TTC39C: variants seen among roughly 807,000 people sequenced by gnomAD.
TTC39C encodes tetratricopeptide repeat protein 39C.
A neutral mutation model predicts 76.3 loss-of-function variants in TTC39C; 33 were observed. That is an observed-to-expected ratio of 0.43 (90% CI 0.33 to 0.58). The LOEUF is 0.58. Ranked by LOEUF, TTC39C falls within the 20% of genes least tolerant of loss-of-function variation. TTC39C has a pLI of 0.04. For missense variants in TTC39C, 595 were observed against 701.4 expected, an observed-to-expected ratio of 0.85 and a Z score of 1.71; for synonymous variants, 254 against 260.6, an observed-to-expected ratio of 0.97 and a Z score of 0.24.
At chr18:24,034,612 C>G (rs1356587551) in intron 1 of TTC39C, among the ~76,000 whole-genome samples, 1 of 148,542 alleles carries the variant, frequency 6.7e-6, no homozygotes. Context: ...CAAATGGAAA[C>G]TTTGTACCCA....
At chr18:24,030,648 C>CTTTT (rs1167104790) in intron 1 of TTC39C, among the ~76,000 whole-genome samples, 50,326 of 88,902 alleles carry the variant, frequency 0.57, 16,622 homozygotes, top group South Asian at 0.71. Context: ...AAAGATAGGC[C>CTTTT]TTTTTTTTTT....
chr18:24,012,887 G>A (rs4044150), upstream of TTC39C: 569 of 107,428 alleles, frequency 5.3e-3, 3 homozygotes, highest in African/African-American at 0.023. Context: ...ACACACACAC[G>A]CATAAATTTA....
chr18:24,112,251 T>C (rs1226752867), intron 6 of TTC39C, among the ~76,000 whole-genome samples: 1 of 152,244 alleles, frequency 6.6e-6, no homozygotes, highest in Non-Finnish European at 1.5e-5. Context: ...CATGTGATTG[T>C]ATTTAGGGCC....
chr18:24,072,165 T>C (rs1274781683), intron 4 of TTC39C, among the ~76,000 whole-genome samples: 2 of 151,592 alleles, frequency 1.3e-5, no homozygotes, highest in East Asian at 1.9e-4. Context: ...ACAAAGCTCC[T>C]TGTTGGAGAT....
intron 6 of TTC39C, among the ~76,000 whole-genome samples, chr18:24,104,411 C>T (rs941408132): frequency 2.6e-5 from 4 of 152,138 alleles, no homozygotes; most frequent in Non-Finnish European, 5.9e-5. Flanking sequence ...GCTTTCTGGG[C>T]CCTGCCTAGG....
At chr18:24,052,773 G>A (rs1017498626) in intron 1 of TTC39C, among the ~76,000 whole-genome samples, 18 of 152,102 alleles carry the variant, frequency 1.2e-4, no homozygotes, top group African/African-American at 4.3e-4. Context: ...ACGTACTATG[G>A]GAAAACATTG....
intron 1 of TTC39C, among the ~76,000 whole-genome samples, chr18:24,009,002 G>C (rs1213778003): frequency 6.6e-6 from 1 of 152,150 alleles, no homozygotes; most frequent in African/African-American, 2.4e-5. Context: ...TAAATGATGA[G>C]AACATATGGA....
At chr18:24,122,154 G>A (rs2084975766) in intron 8 of TTC39C, among the ~76,000 whole-genome samples, 1 of 152,086 alleles carries the variant, frequency 6.6e-6, no homozygotes, top group Non-Finnish European at 1.5e-5. Flanking sequence ...GCACGCCTGG[G>A]ATAGGTGACT....
Position 24,128,944 on chromosome 18 carries a change from C to T in TTC39C, c.1479C>T (p.Ala493=). The T allele has an allele frequency of 6.2e-7, 1 of 1,613,546 alleles. No individual in the cohort carries two copies. ...VVGLKYLLLG[A]IHKCLGNSED... ...GATTAAAGTATTTGCTTCTTGGTGC[C>T]ATACACAAATGTCTAGGAAACTCAG... Residue 493 remains alanine, a synonymous_variant, in exon 11 of 14, where the codon GCC becomes GCT. Transcript: ENST00000317571.
chr18:24,084,356 G>T (rs1305493347), intron 6 of TTC39C, among the ~76,000 whole-genome samples: 1 of 151,930 alleles, frequency 6.6e-6, no homozygotes, highest in Non-Finnish European at 1.5e-5. Flanking sequence ...ATGGTGGTAC[G>T]TGCCTGTAAT....
At chr18:24,045,892 A>AATATATATATATATATATAT (rs1212560698) in intron 1 of TTC39C, among the ~76,000 whole-genome samples, 15 of 61,210 alleles carry the variant, frequency 2.5e-4, no homozygotes, top group African/African-American at 4.5e-4. Flanking sequence ...CTTCTGTGAA[A>AATATATATATATATATATAT]ATATATATAT....
intron 6 of TTC39C, among the ~76,000 whole-genome samples, chr18:24,104,544 G>A (rs923271252): frequency 6.6e-6 from 1 of 152,180 alleles, no homozygotes; most frequent in Non-Finnish European, 1.5e-5. Flanking sequence ...GACACTCTAC[G>A]TGAAGGGGTT....
chr18:24,020,060 G>A, intron 1 of TTC39C: 1 of 1,376,026 alleles, frequency 7.3e-7, no homozygotes, highest in Non-Finnish European at 9.3e-7. Context: ...ATGTGTCTCT[G>A]CCTTGCTCCT....
intron 1 of TTC39C, among the ~76,000 whole-genome samples, chr18:23,995,119 C>T (rs1465965509): frequency 6.6e-6 from 1 of 152,148 alleles, no homozygotes. Flanking sequence ...TCTCTACTAT[C>T]CCTAACTCCT....
intron 1 of TTC39C, among the ~76,000 whole-genome samples, chr18:24,034,359 C>T (rs1337144161): frequency 6.6e-6 from 1 of 152,180 alleles, no homozygotes; most frequent in Non-Finnish European, 1.5e-5. Flanking sequence ...AAGGAAATCC[C>T]TTTAATGCTC....
At chr18:24,019,959 C>G in intron 1 of TTC39C, 1 of 1,487,144 alleles carries the variant, frequency 6.7e-7, no homozygotes, top group East Asian at 2.5e-5. Flanking sequence ...AGCCTCTTCT[C>G]TGCCTAAAAC....
intron 6 of TTC39C, chr18:24,099,085 TA>T (rs2084642543): frequency 7.2e-6 from 1 of 138,570 alleles, no homozygotes; most frequent in African/African-American, 2.7e-5. Flanking sequence ...TACATATATA[TA>T]ACATATATAC....
At chr18:24,075,216 G>A (rs1815260180) in intron 4 of TTC39C, among the ~76,000 whole-genome samples, 2 of 152,026 alleles carry the variant, frequency 1.3e-5, no homozygotes, top group Admixed American at 1.3e-4. Context: ...AAGTTAATGG[G>A]TGCAGCACAC....
intron 4 of TTC39C, among the ~76,000 whole-genome samples, chr18:24,072,653 GAATTACTCCATC>G (rs1403292227): frequency 6.6e-6 from 1 of 152,170 alleles, no homozygotes; most frequent in African/African-American, 2.4e-5. Flanking sequence ...TCCTTATAAT[GAATTACTCCATC>G]ATCTCTTTAA....
Sources: allele counts gnomAD v4.1 joint callset (sites outside exome capture counted in the v4.1 genomes callset), GRCh38; gene constraint gnomAD v4.1.1; transcripts MANE v1.5; gene names NCBI Gene and HGNC (gene_info 2026-07-23, HGNC 2026-07-21).